Variants in TIAM1 observed in about 807,000 individuals in gnomAD.
TIAM1 encodes the protein rho guanine nucleotide exchange factor TIAM1.
In TIAM1, 65 loss-of-function variants were observed where a neutral mutation model predicts 163.5. That is an observed-to-expected ratio of 0.40 (90% confidence interval 0.33 to 0.49). The LOEUF is 0.49. Ranked by LOEUF, TIAM1 falls within the 20% of genes least tolerant of loss-of-function variation. The probability of loss-of-function intolerance (pLI) is 0.77; values close to 1 mark genes in which losing one functional copy is unlikely to be tolerated. For missense variants in TIAM1, 1,789 were observed against 2,044.7 expected (o/e 0.87, Z 2.41); for synonymous variants, 833 against 810.1 (o/e 1.03, Z -0.48).
chr21:31,524,821 C>T (rs966284383), intron 1 of TIAM1, among the ~76,000 whole-genome samples: 1 of 152,168 alleles, frequency 6.6e-6, no homozygotes, highest in Non-Finnish European at 1.5e-5. Context: ...TGTGATTCAT[C>T]TGCTCTTCCC....
At chr21:31,179,470 A>G (rs2084914636) in intron 15 of TIAM1, among the ~76,000 whole-genome samples, 1 of 152,058 alleles carries the variant, frequency 6.6e-6, no homozygotes, top group Non-Finnish European at 1.5e-5. Context: ...CATAGTTATT[A>G]TCAAACTTTC....
intron 6 of TIAM1, among the ~76,000 whole-genome samples, chr21:31,237,546 CATT>C (rs2070957521): frequency 2.6e-5 from 4 of 152,318 alleles, no homozygotes; most frequent in Admixed American, 2.6e-4. Flanking sequence ...CACTTACCAT[CATT>C]ATCACACTTA....
intron 2 of TIAM1, among the ~76,000 whole-genome samples, chr21:31,442,089 A>ATATATATAT (rs1555982237): frequency 1.4e-4 from 17 of 123,894 alleles, no homozygotes; most frequent in East Asian, 2.5e-4. Flanking sequence ...ATATATATAG[A>ATATATATAT]ACAATAAGGG....
chr21:31,263,629 A>C (rs2072600776), intron 4 of TIAM1, among the ~76,000 whole-genome samples: 1 of 152,160 alleles, frequency 6.6e-6, no homozygotes, highest in Non-Finnish European at 1.5e-5. Context: ...CATCGAGTAT[A>C]GGGGAGAGCC....
At chr21:31,209,726 C>T (rs901179128) in intron 11 of TIAM1, among the ~76,000 whole-genome samples, 2 of 152,104 alleles carry the variant, frequency 1.3e-5, no homozygotes, top group African/African-American at 2.4e-5. Context: ...TAAGAGTGGC[C>T]TTAATTTTCT....
intron 1 of TIAM1, among the ~76,000 whole-genome samples, chr21:31,468,478 C>T (rs1439004083): frequency 6.9e-6 from 1 of 143,924 alleles, no homozygotes; most frequent in African/African-American, 2.6e-5. Flanking sequence ...GTGAGACTAC[C>T]TCTCAAAAAA....
intron 15 of TIAM1, among the ~76,000 whole-genome samples, chr21:31,166,317 G>A (rs545823445): frequency 7.2e-5 from 11 of 152,312 alleles, no homozygotes; most frequent in African/African-American, 2.4e-4. Context: ...CCAGACAAGA[G>A]AGAAGGAAAG....
At chr21:31,433,141 G>A (rs917077457) in intron 2 of TIAM1, among the ~76,000 whole-genome samples, 3 of 152,124 alleles carry the variant, frequency 2.0e-5, no homozygotes, top group African/African-American at 7.2e-5. Context: ...TGAAGCAATA[G>A]GTACTAGAGA....
intron 2 of TIAM1, among the ~76,000 whole-genome samples, chr21:31,425,492 A>T (rs529774146): frequency 3.4e-4 from 52 of 152,300 alleles, no homozygotes; most frequent in African/African-American, 1.2e-3. Flanking sequence ...GTTTAAGTCA[A>T]CTAGGGATCT....
intron 1 of TIAM1, among the ~76,000 whole-genome samples, chr21:31,529,133 A>G (rs750195895): frequency 6.6e-6 from 1 of 151,626 alleles, no homozygotes; most frequent in Non-Finnish European, 1.5e-5. Flanking sequence ...GTTAGCCAGG[A>G]TGGTCTCGAT....
In TIAM1 at chr21:31,497,081, C is replaced by CGG. The variant is rs563018352; in HGVS notation, c.-421-33048_-421-33047dup. 3.3e-5 allele frequency among the ~76,000 whole-genome samples: 5 copies of CGG among 152,310 alleles called. No homozygotes were observed. In the East Asian group the frequency reaches 9.7e-4, roughly 29 times the overall value. ...CACCTGCCACTCACCTCCAGCTGTG[C>CGG]GGCCCTGTTCCTAACAGGCCATTGA... On this transcript the variant is annotated intron_variant, in intron 1 of 28. Transcript: ENST00000286827.
At position 31,120,077 on chromosome 21, in the gene TIAM1, A is replaced by G. The variant is rs758138164; in HGVS notation, c.*291T>C. ...GGTGATTTGCTTTCCAGTGCTATAG[A>G]ATCTTTTTTCTTTTAATTGTTCAGG... On this transcript the variant is annotated 3_prime_UTR_variant, in exon 28 of 28. Coordinates refer to ENST00000541036, the MANE Select transcript of TIAM1 (RefSeq NM_001353694.2). The surrounding 1 kb of genome is among the most constrained non-coding windows in gnomAD (Gnocchi z 4.2). The G allele has an allele frequency of 4.1e-5, 13 of 313,338 alleles. No individual in the cohort carries two copies. Among genetic ancestry groups the G allele is most frequent in the Admixed American group, 9.1e-5 (2 of 21,962 alleles). The allele number at this position is 313,338 out of a possible 1,614,324, so 19.4% of individuals were successfully genotyped here. A position where few individuals can be genotyped will look rare whatever the true frequency, so the allele number is the denominator to read the frequency against.
chr21:31,454,191 G>A (rs922494602), intron 2 of TIAM1, among the ~76,000 whole-genome samples: 3 of 152,116 alleles, frequency 2.0e-5, no homozygotes, highest in Admixed American at 6.6e-5. Context: ...CACAAAGACC[G>A]ATTTTTGTCT....
intron 2 of TIAM1, among the ~76,000 whole-genome samples, chr21:31,421,494 C>G (rs1188078256): frequency 6.6e-6 from 1 of 152,206 alleles, no homozygotes; most frequent in East Asian, 1.9e-4. Flanking sequence ...GCGGTGACAT[C>G]AGATTCTCAT....
chr21:31,376,037 TAA>T (rs66471514), intron 2 of TIAM1, among the ~76,000 whole-genome samples: 1 of 149,964 alleles, frequency 6.7e-6, no homozygotes, highest in Non-Finnish European at 1.5e-5. Flanking sequence ...AAAAAAAATT[TAA>T]AAAAAAAAGA....
At chr21:31,434,744 G>C (rs1035724159) in intron 2 of TIAM1, among the ~76,000 whole-genome samples, 2 of 152,138 alleles carry the variant, frequency 1.3e-5, no homozygotes, top group Non-Finnish European at 2.9e-5. Flanking sequence ...GTGTGGACAG[G>C]CTCTAGGTGA....
intron 2 of TIAM1, among the ~76,000 whole-genome samples, chr21:31,448,276 T>C (rs764685278): frequency 2.2e-4 from 33 of 152,054 alleles, no homozygotes; most frequent in Non-Finnish European, 3.4e-4. Flanking sequence ...AACATCTACA[T>C]TGACCAAGAT....
intron 2 of TIAM1, among the ~76,000 whole-genome samples, chr21:31,441,513 T>C (rs2044416493): frequency 6.6e-6 from 1 of 152,176 alleles, no homozygotes; most frequent in Non-Finnish European, 1.5e-5. Context: ...AGGCACAAGT[T>C]GGCGATAGCA....
chr21:31,259,124 TTC>T (rs1491459947), intron 4 of TIAM1, among the ~76,000 whole-genome samples: 2,134 of 129,278 alleles, frequency 0.017, 17 homozygotes, highest in Non-Finnish European at 0.019. Flanking sequence ...GAATGTGATC[TTC>T]TTTTTTTTTT....
Sources: allele counts gnomAD v4.1 joint callset (sites outside exome capture counted in the v4.1 genomes callset), GRCh38; gene constraint gnomAD v4.1.1; non-coding constraint Gnocchi (gnomAD v3.1); transcripts MANE v1.5; gene names NCBI Gene and HGNC (gene_info 2026-07-23, HGNC 2026-07-21).